The following RPL28 variants were observed in gnomAD, a reference collection of about 807,000 sequenced individuals.
RPL28 encodes large ribosomal subunit protein eL28.
RPL28 carries 4 observed loss-of-function variants against 12.5 expected under a neutral mutation model. That is an observed-to-expected ratio of 0.32 (90% CI 0.16 to 0.73). The LOEUF is 0.73. Among genes scored for constraint, RPL28 ranks in the 30% least tolerant of loss-of-function variants. The probability of loss-of-function intolerance (pLI) is 0.66; values close to 1 mark genes in which losing one functional copy is unlikely to be tolerated. For synonymous variants in RPL28, 91 were observed against 72.5 expected (o/e 1.26, Z -1.30); for missense variants, 214 against 197.7 (o/e 1.08, Z -0.49).
chr19:55,395,005 T>C (rs2090012587), downstream of RPL28, among the ~76,000 whole-genome samples: 1 of 152,218 alleles, frequency 6.6e-6, no homozygotes, highest in African/African-American at 2.4e-5. Context: ...ATAAGATGCA[T>C]GTGTATTTGC....
downstream of RPL28, among the ~76,000 whole-genome samples, chr19:55,395,512 C>T (rs376049185): frequency 4.0e-5 from 6 of 150,770 alleles, no homozygotes; most frequent in Admixed American, 6.6e-5. Context: ...GGCGCCATCT[C>T]GGCTCACTGC....
chr19:55,386,719 A>G (rs1032691425), intron 3 of RPL28, 26 bp downstream of exon 3: 2 of 1,612,854 alleles, frequency 1.2e-6, no homozygotes, highest in African/African-American at 2.7e-5. Context: ...TTTGGGCCAG[A>G]GAGCGGCCCC....
chr19:55,401,824 A>ACAAGAGGGTGGCCTCCG (rs2090061604), intron 4 of RPL28: 15 of 1,574,898 alleles, frequency 9.5e-6, no homozygotes, highest in Non-Finnish European at 1.3e-5. Flanking sequence ...CCAGGCCTCC[A>ACAAGAGGGTGGCCTCCG]CAAGAGGGTG....
intron 3 of RPL28, 196 bp from the exon 4 acceptor site, chr19:55,387,734 C>A: frequency 6.9e-7 from 1 of 1,439,634 alleles, no homozygotes; most frequent in Non-Finnish European, 9.0e-7. Context: ...GAAGCTGTGT[C>A]CTCAGTACTC....
Position 55,388,021 on chromosome 19 carries a change from G to C in RPL28, c.297G>C (p.Lys99Asn). 1.2e-6 allele frequency: 2 copies of C among 1,613,752 alleles called. No individual in the cohort carries two copies. The highest frequency in any genetic ancestry group is 1.7e-6 in the Non-Finnish European group (2 of 1,179,872). The change falls in exon 4 of 5, where the codon AAG becomes AAC. Residue 99 changes from lysine (K) to asparagine (N), a missense_variant. Transcript: ENST00000344063. ...GCAGCATCAGACACATGATCCGCAA[G>C]AACAAGTACCGCCCCGACCTGCGCA... ...TLSSIRHMIRKNKYRPDLRMA... is the reference protein window; with the variant it reads ...TLSSIRHMIRNNKYRPDLRMA...
exon 5 of RPL28, chr19:55,402,988 C>G: frequency 6.5e-7 from 1 of 1,534,916 alleles, no homozygotes; most frequent in Non-Finnish European, 8.7e-7. Flanking sequence ...CAGCCTGGAG[C>G]ACCAGCCTAG....
At chr19:55,387,122 C>G in intron 3 of RPL28, 1 of 1,331,804 alleles carries the variant, frequency 7.5e-7, no homozygotes, top group East Asian at 2.5e-5. Flanking sequence ...CCCATTTTGC[C>G]TGTGTAGGTT....
chr19:55,402,815 G>A (rs1435422472), intron 4 of RPL28: 6 of 741,888 alleles, frequency 8.1e-6, no homozygotes, highest in African/African-American at 1.8e-5. Flanking sequence ...GGAGGGAAGG[G>A]TTTGGGGTCT....
At position 55,387,303 on chromosome 19, in the gene RPL28, C is replaced by G. The variant is rs917244904; in HGVS notation, c.205+610C>G. On this transcript the variant is annotated intron_variant, in intron 3 of 4. Coordinates refer to ENST00000344063, the MANE Select transcript of RPL28 (RefSeq NM_000991.5). ...TTTTTAGAGTGAGTTTTTCTCAGGT[C>G]CTTGATTGGAACTGCCTCAGAGCCA... 6 of 1,551,514 alleles carry G rather than the reference C, an allele frequency of 3.9e-6. No individual in the cohort carries two copies. The African/African-American group carries it at 6.8e-5, about 18-fold the overall frequency.
In RPL28 at chr19:55,389,368, TG is replaced by T; in HGVS notation, c.*1040del. The T allele has an allele frequency of 1.0e-6, 1 of 985,156 alleles. No homozygotes were observed. 61.0% of individuals were successfully genotyped at this position (985,156 alleles called of 1,614,324 possible). Reference sequence around the variant, plus strand: ...ACCATGACACACAGTGAGGCCTGGATGGGGAAAGAGTCCTGCTGTTGATCCT... The same window carrying T: ...ACCATGACACACAGTGAGGCCTGGATGGGAAAGAGTCCTGCTGTTGATCCT... On this transcript the variant is annotated 3_prime_UTR_variant, in exon 5 of 5. Transcript: ENST00000344063.
downstream of RPL28, among the ~76,000 whole-genome samples, chr19:55,392,762 C>G (rs373355226): frequency 9.3e-4 from 141 of 152,212 alleles, no homozygotes; most frequent in Non-Finnish European, 1.8e-3. Context: ...ATCTCCTGAC[C>G]TCGTGATCCG....
At position 55,388,470 on chromosome 19, in the gene RPL28, C is replaced by T. The variant is rs1379582278; in HGVS notation, c.*138C>T. 1 of 1,344,594 alleles carries T rather than the reference C, an allele frequency of 7.4e-7. No individual in the cohort carries two copies. Among genetic ancestry groups the T allele is most frequent in the African/African-American group, 1.5e-5 (1 of 66,166 alleles). 83.3% of individuals were successfully genotyped at this position (1,344,594 alleles called of 1,614,324 possible). On this transcript the variant is annotated 3_prime_UTR_variant, in exon 5 of 5. Coordinates refer to ENST00000344063, the MANE Select transcript of RPL28 (RefSeq NM_000991.5). ...ATGTCATCAAAACTCTGCATGTCAC[C>T]TTGTCCATCTGGAGGTGATGTCAAT...
chr19:55,388,037 G>C lies in RPL28; in HGVS notation c.313G>C (p.Asp105His), dbSNP rs75906051. Residue 105 changes from aspartate (D) to histidine (H), a missense_variant, in exon 4 of 5, where the codon GAC becomes CAC. By Grantham distance (81) the Asp-to-His change is moderately conservative. Coordinates refer to ENST00000344063, the MANE Select transcript of RPL28 (RefSeq NM_000991.5). ...GATCCGCAAGAACAAGTACCGCCCC[G>C]ACCTGCGCATGGTGAGCTGGGGTTT... ...HMIRKNKYRP[D>H]LRMAAIRRAS... 3 of 1,613,714 alleles carry C rather than the reference G, an allele frequency of 1.9e-6. No individual in the cohort carries two copies. Among genetic ancestry groups the C allele is most frequent in the African/African-American group, 1.3e-5 (1 of 75,004 alleles).
chr19:55,403,200 C>A, exon 5 of RPL28: 1 of 651,044 alleles, frequency 1.5e-6, no homozygotes, highest in Non-Finnish European at 2.8e-6. Context: ...GGCTGAGAAA[C>A]ACTGGTTTAT....
At chr19:55,397,025 G>A (rs35408230), downstream of RPL28, among the ~76,000 whole-genome samples, 89 of 152,138 alleles carry the variant, frequency 5.8e-4, no homozygotes, top group Non-Finnish European at 1.2e-3. Context: ...GACTACAGGT[G>A]CACACCACAG....
At chr19:55,396,860 G>T (rs190384926), downstream of RPL28, among the ~76,000 whole-genome samples, 36 of 151,810 alleles carry the variant, frequency 2.4e-4, no homozygotes, top group African/African-American at 8.2e-4. Flanking sequence ...GATTACAGGT[G>T]TGAGCCACGG....
chr19:55,389,785 C>CT lies in RPL28; in HGVS notation c.*1454dup, dbSNP rs1412004926. ...CAGATTGAGAGGTGTTGCCTTAAAACTGAGTTGGGTGACTTGGTACCTGCT... is the reference window on the plus strand; with the variant it reads ...CAGATTGAGAGGTGTTGCCTTAAAACTTGAGTTGGGTGACTTGGTACCTGCT... On this transcript the variant is annotated 3_prime_UTR_variant, in exon 5 of 5. Transcript: ENST00000344063. 7 of 985,392 alleles carry CT rather than the reference C, an allele frequency of 7.1e-6. No homozygotes were observed. The Admixed American group carries it at 4.3e-4, about 61-fold the overall frequency. 61.0% of individuals were successfully genotyped at this position (985,392 alleles called of 1,614,324 possible).
At chr19:55,387,224 G>T (rs1005130479) in intron 3 of RPL28, 1 of 1,472,588 alleles carries the variant, frequency 6.8e-7, no homozygotes, top group Non-Finnish European at 9.3e-7. Context: ...TGAGTCGGGG[G>T]TCTCTAATGG....
downstream of RPL28, among the ~76,000 whole-genome samples, chr19:55,392,775 C>T (rs1021428328): frequency 5.9e-5 from 9 of 151,644 alleles, no homozygotes; most frequent in South Asian, 2.1e-4. Flanking sequence ...GTGATCCGTC[C>T]GCCTCGGTCC....
Sources: gnomAD v4.1 joint callset for allele counts (sites outside exome capture counted in the v4.1 genomes callset) on GRCh38, gnomAD v4.1.1 for gene constraint, MANE v1.5 for transcripts, NCBI Gene and HGNC (gene_info 2026-07-23, HGNC 2026-07-21) for gene names.